The following OTOGL variants were observed in gnomAD, a reference collection of about 807,000 sequenced individuals.
The protein encoded by OTOGL is otogelin-like protein.
Under a neutral mutation model 318.5 loss-of-function variants are expected in OTOGL, and 285 were observed. The observed-to-expected ratio is 0.89, with a 90% CI of 0.81 to 0.99. The LOEUF (loss-of-function observed/expected upper bound fraction) is 0.99, where lower values mean the gene tolerates loss of function less well. OTOGL is among the 50% of genes least tolerant of loss of function. OTOGL has a pLI of 0.00. For missense variants in OTOGL, 2,899 were observed against 2,845.6 expected (o/e 1.02, Z -0.43); for synonymous variants, 987 against 936.5 (o/e 1.05, Z -0.99).
chr12:80,252,324 T>C, intron 13 of OTOGL, 123 bp downstream of exon 13: 1 of 1,113,680 alleles, frequency 9.0e-7, no homozygotes, highest in Non-Finnish European at 1.2e-6. Context: ...TTTTCTGTTC[T>C]TGTAGAAGTT....
intron 23 of OTOGL, among the ~76,000 whole-genome samples, chr12:80,270,773 A>G (rs923418164): frequency 2.0e-5 from 3 of 152,106 alleles, no homozygotes; most frequent in African/African-American, 7.2e-5. Flanking sequence ...CTAAGATCTT[A>G]TGTATTAGGA....
chr12:80,307,986 A>C (rs1240189827), intron 29 of OTOGL, among the ~76,000 whole-genome samples: 2 of 116,410 alleles, frequency 1.7e-5, no homozygotes, highest in Non-Finnish European at 3.5e-5. Flanking sequence ...AGTTCCCAGT[A>C]GGGGCGGCCG....
chr12:80,317,702 A>G (rs1326184506), intron 32 of OTOGL, among the ~76,000 whole-genome samples: 3 of 152,170 alleles, frequency 2.0e-5, no homozygotes, highest in Non-Finnish European at 1.5e-5. Context: ...TCCATGCTAG[A>G]AAATTAGCCA....
chr12:80,267,720 TAAC>T (rs1883102611), intron 22 of OTOGL, among the ~76,000 whole-genome samples: 1 of 151,750 alleles, frequency 6.6e-6, no homozygotes, highest in Non-Finnish European at 1.5e-5. Flanking sequence ...AAAATAAAGA[TAAC>T]AATGTAATCT....
At chr12:80,201,941 G>T (rs927988580) in intron 1 of OTOGL, among the ~76,000 whole-genome samples, 3 of 152,152 alleles carry the variant, frequency 2.0e-5, no homozygotes, top group South Asian at 2.1e-4. Context: ...AAGCATTCCT[G>T]CCTGCTGCTG....
At chr12:80,161,179 A>G (rs1009472088) in intron 1 of OTOGL, among the ~76,000 whole-genome samples, 1 of 152,068 alleles carries the variant, frequency 6.6e-6, no homozygotes, top group Middle Eastern at 3.2e-3. Flanking sequence ...AATTACCACT[A>G]AAGAACTTAG....
At chr12:80,279,263 TTATAAAACC>T (rs1192234363) in intron 26 of OTOGL, 97 bp downstream of exon 26, 11 of 1,207,152 alleles carry the variant, frequency 9.1e-6, no homozygotes, top group Admixed American at 2.7e-5. Context: ...CATGTGTTAT[TTATAAAACC>T]TATAAAACAA....
At chr12:80,284,013 G>A (rs2137646315) in intron 26 of OTOGL, among the ~76,000 whole-genome samples, 1 of 152,102 alleles carries the variant, frequency 6.6e-6, no homozygotes. Context: ...TTGTCCTAAT[G>A]CTCTCCCTCC....
chr12:80,290,816 A>G (rs957486986), intron 26 of OTOGL, among the ~76,000 whole-genome samples: 9 of 152,240 alleles, frequency 5.9e-5, no homozygotes, highest in South Asian at 4.1e-4. Context: ...TTAGGGGCCT[A>G]TTAAATGTAA....
intron 27 of OTOGL, among the ~76,000 whole-genome samples, chr12:80,299,982 T>A (rs753162782): frequency 5.3e-5 from 8 of 152,176 alleles, no homozygotes; most frequent in Admixed American, 1.3e-4. Flanking sequence ...AGAAAAGATG[T>A]GCTTTTGTAT....
At chr12:80,228,960 T>G (rs1377719566) in intron 7 of OTOGL, among the ~76,000 whole-genome samples, 1 of 152,198 alleles carries the variant, frequency 6.6e-6, no homozygotes, top group Non-Finnish European at 1.5e-5. Flanking sequence ...AGAGTTTTAC[T>G]ATTAGAACTA....
intron 1 of OTOGL, among the ~76,000 whole-genome samples, chr12:80,125,031 C>T (rs9668422): frequency 0.54 from 81,333 of 151,932 alleles, 21,938 homozygotes; most frequent in Middle Eastern, 0.58. Context: ...ACCCTTTATT[C>T]CCTTCTCCTG....
chr12:80,240,209 A>G (rs1880256086), intron 11 of OTOGL, among the ~76,000 whole-genome samples: 2 of 151,988 alleles, frequency 1.3e-5, no homozygotes, highest in African/African-American at 4.8e-5. Context: ...TATCTCTTCC[A>G]TATGTTGATT....
intron 1 of OTOGL, among the ~76,000 whole-genome samples, chr12:80,123,181 C>G (rs1438010715): frequency 1.3e-5 from 2 of 152,046 alleles, no homozygotes; most frequent in Non-Finnish European, 2.9e-5. Context: ...CTATCCCTCC[C>G]CCTTCCCCCA....
intron 26 of OTOGL, among the ~76,000 whole-genome samples, chr12:80,288,393 G>C (rs182395599): frequency 6.6e-6 from 1 of 151,984 alleles, no homozygotes; most frequent in Non-Finnish European, 1.5e-5. Context: ...TACTCTTCTC[G>C]AAGAGTATCT....
chr12:80,276,821 T>C (rs1388620417), intron 24 of OTOGL, among the ~76,000 whole-genome samples: 2 of 151,626 alleles, frequency 1.3e-5, no homozygotes, highest in African/African-American at 4.8e-5. Context: ...ATAAACAAGA[T>C]ATTTATGGTC....
chr12:80,271,930 G>A (rs886753038), intron 24 of OTOGL, 120 bp downstream of exon 24: 11 of 1,166,650 alleles, frequency 9.4e-6, no homozygotes, highest in African/African-American at 1.6e-5. Flanking sequence ...TAACTGGGTT[G>A]GTAGCTAGAA....
rs1255638977 is a variant in OTOGL, at chr12:80,108,928, ATG to A, written c.-20+9331_-20+9332del. 9.1e-5 allele frequency among the ~76,000 whole-genome samples: 8 copies of A among 88,166 alleles called. 1 individual carries two copies. Among genetic ancestry groups the A allele is most frequent in the African/African-American group, 4.0e-4 (8 of 19,920 alleles). 57.8% of individuals were successfully genotyped at this position (88,166 alleles called of 152,430 possible). Reference sequence around the variant, plus strand: ...TGTGTATATATATGTGTATATATATATGTGTGTGTATATATATATATATATAC... The same window carrying A: ...TGTGTATATATATGTGTATATATATATGTGTGTATATATATATATATATAC... On this transcript the variant is annotated intron_variant, in intron 1 of 58. Transcript: ENST00000547103.
chr12:80,375,751 T>C (rs544600000), intron 57 of OTOGL, among the ~76,000 whole-genome samples: 1 of 152,232 alleles, frequency 6.6e-6, no homozygotes, highest in African/African-American at 2.4e-5. Context: ...ATGGTAAAGA[T>C]GATTTTTTTC....
Sources: gnomAD v4.1 joint callset for allele counts (sites outside exome capture counted in the v4.1 genomes callset) on GRCh38, gnomAD v4.1.1 for gene constraint, MANE v1.5 for transcripts, NCBI Gene and HGNC (gene_info 2026-07-23, HGNC 2026-07-21) for gene names.